Variants in RNF4 observed in about 807,000 individuals in gnomAD.
RNF4 encodes the protein E3 ubiquitin-protein ligase RNF4.
Under a neutral mutation model 24.3 loss-of-function variants are expected in RNF4, and 7 were observed. The observed-to-expected ratio is 0.29, with a 90% CI of 0.16 to 0.54. The LOEUF is 0.54. Among genes scored for constraint, RNF4 ranks in the 20% least tolerant of loss-of-function variants. RNF4 has a pLI of 0.95. For synonymous variants in RNF4, 83 were observed against 84.3 expected (o/e 0.98, Z 0.09); for missense variants, 209 against 248.5 (o/e 0.84, Z 1.07).
intron 2 of RNF4, chr4:2,490,850 C>T (rs1216117983): frequency 5.3e-6 from 1 of 189,156 alleles, no homozygotes; most frequent in Non-Finnish European, 1.1e-5. Context: ...TGTGTAATCT[C>T]AACACTTGGA....
chr4:2,484,699 A>ATTAATAATT (rs1735354853), intron 1 of RNF4, among the ~76,000 whole-genome samples: 1 of 152,090 alleles, frequency 6.6e-6, no homozygotes, highest in African/African-American at 2.4e-5. Context: ...AATTACTTAG[A>ATTAATAATT]CCTTAAATAA....
chr4:2,472,758 G>A (rs1367378836), intron 1 of RNF4, among the ~76,000 whole-genome samples: 2 of 152,118 alleles, frequency 1.3e-5, no homozygotes, highest in African/African-American at 4.8e-5. Context: ...AAGAATATTT[G>A]TCTCCAGGCA....
chr4:2,510,695 C>T (rs1736248169), intron 4 of RNF4, among the ~76,000 whole-genome samples: 1 of 152,216 alleles, frequency 6.6e-6, no homozygotes, highest in Non-Finnish European at 1.5e-5. Context: ...AGGGGACAGG[C>T]AGGGTGAGGT....
chr4:2,489,436 C>A (rs1578509060), intron 1 of RNF4, among the ~76,000 whole-genome samples: 1 of 152,158 alleles, frequency 6.6e-6, no homozygotes. Context: ...TTTGCAACTC[C>A]ATCTCGTTAT....
chr4:2,472,805 G>GC (rs1209275908), intron 1 of RNF4, among the ~76,000 whole-genome samples: 4 of 152,184 alleles, frequency 2.6e-5, no homozygotes, highest in Admixed American at 6.6e-5. Context: ...ACTTTGGGAG[G>GC]CGAAGTGGGC....
rs1301637061 is a variant in RNF4, at chr4:2,477,588, A to C, written c.-158+8330A>C. On this transcript the variant is annotated intron_variant, in intron 1 of 7. Coordinates refer to ENST00000314289, the MANE Select transcript of RNF4 (RefSeq NM_002938.5). ...CAACAGAGTAGACTTAATCTAAAAAAACAAAAGAGATCTGATGCTTTTATA... is the reference window on the plus strand; with the variant it reads ...CAACAGAGTAGACTTAATCTAAAAACACAAAAGAGATCTGATGCTTTTATA... Among the ~76,000 whole-genome samples, 3 of 151,980 alleles carry C rather than the reference A, an allele frequency of 2.0e-5. No homozygotes were observed. In the East Asian group the frequency reaches 5.8e-4, roughly 29 times the overall value.
At chr4:2,506,481 C>T (rs1736104386) in intron 4 of RNF4, among the ~76,000 whole-genome samples, 1 of 152,098 alleles carries the variant, frequency 6.6e-6, no homozygotes, top group African/African-American at 2.4e-5. Flanking sequence ...CATGTCCGGC[C>T]TCCTTGGTTG....
rs557153276 is a variant in RNF4, at chr4:2,476,682, C to T, written c.-158+7424C>T. ...CTGGGATTACAGGTGTGAGCCACCACGTCCAGCCCTTTTCTTTCTTTCTTT... is the reference window on the plus strand; with the variant it reads ...CTGGGATTACAGGTGTGAGCCACCATGTCCAGCCCTTTTCTTTCTTTCTTT... On this transcript the variant is annotated intron_variant, in intron 1 of 7. Transcript: ENST00000314289. Among the ~76,000 whole-genome samples, 24 of 151,010 alleles carry T rather than the reference C, an allele frequency of 1.6e-4. No homozygotes were observed. The South Asian group carries it at 1.9e-3, about 12-fold the overall frequency.
chr4:2,500,762 G>A lies in RNF4; in HGVS notation c.204+24G>A, dbSNP rs533240993. The A allele has an allele frequency of 5.0e-6, 8 of 1,611,114 alleles. No individual in the cohort carries two copies. The South Asian group carries it at 6.6e-5, about 13-fold the overall frequency. On this transcript the variant is annotated intron_variant, in intron 4 of 7. Coordinates refer to ENST00000314289, the MANE Select transcript of RNF4 (RefSeq NM_002938.5). ...TGGTAAGTGTTGGAGTGTGAGAGTC[G>A]GCTGTTTCTTGGGTATGGGTCCCTG...
At chr4:2,485,001 G>C (rs545962052) in intron 1 of RNF4, among the ~76,000 whole-genome samples, 20 of 152,196 alleles carry the variant, frequency 1.3e-4, no homozygotes, top group African/African-American at 4.6e-4. Context: ...GGAACCCTCG[G>C]CACCTTTGTT....
chr4:2,505,431 T>C (rs886741274), intron 4 of RNF4: 5 of 151,574 alleles, frequency 3.3e-5, no homozygotes, highest in African/African-American at 1.2e-4. Context: ...GTTCACACCA[T>C]TCTCCTGCCT....
chr4:2,488,247 G>C (rs1179658295), intron 1 of RNF4, among the ~76,000 whole-genome samples: 1 of 152,172 alleles, frequency 6.6e-6, no homozygotes, highest in Non-Finnish European at 1.5e-5. Context: ...TGGATCACCT[G>C]AGGTCAGAAG....
chr4:2,470,237 G>A (rs1578492155), intron 1 of RNF4, among the ~76,000 whole-genome samples: 1 of 152,232 alleles, frequency 6.6e-6, no homozygotes, highest in African/African-American at 2.4e-5. Context: ...AGGTCACATA[G>A]CCAGCTATTT....
At chr4:2,510,998 G>A (rs1736256409) in intron 4 of RNF4, among the ~76,000 whole-genome samples, 1 of 152,212 alleles carries the variant, frequency 6.6e-6, no homozygotes, top group Non-Finnish European at 1.5e-5. Context: ...TTCTCTGTTA[G>A]TTACTTGTAA....
intron 1 of RNF4, among the ~76,000 whole-genome samples, chr4:2,485,934 A>G (rs959371592): frequency 1.3e-5 from 2 of 152,192 alleles, no homozygotes; most frequent in Admixed American, 6.5e-5. Context: ...TTTGGAACAC[A>G]CTAAATTTGA....
At chr4:2,503,002 C>T (rs1735963345) in intron 4 of RNF4, among the ~76,000 whole-genome samples, 2 of 152,154 alleles carry the variant, frequency 1.3e-5, no homozygotes, top group African/African-American at 4.8e-5. Flanking sequence ...AGGTGCATGC[C>T]ACCATACACT....
chr4:2,477,600 C>G (rs1313807416), intron 1 of RNF4, among the ~76,000 whole-genome samples: 1 of 151,778 alleles, frequency 6.6e-6, no homozygotes, highest in Non-Finnish European at 1.5e-5. Flanking sequence ...CAAAAGAGAT[C>G]TGATGCTTTT....
intron 2 of RNF4, among the ~76,000 whole-genome samples, chr4:2,494,293 TCTG>T (rs1489165770): frequency 6.6e-6 from 1 of 152,100 alleles, no homozygotes; most frequent in Non-Finnish European, 1.5e-5. Flanking sequence ...ATGTGTTTAC[TCTG>T]CTGCTGTATC....
At chr4:2,487,114 C>G (rs2108758476) in intron 1 of RNF4, among the ~76,000 whole-genome samples, 1 of 152,206 alleles carries the variant, frequency 6.6e-6, no homozygotes, top group East Asian at 1.9e-4. Flanking sequence ...GAACACTTAC[C>G]AGGTGAGGTG....
Sources: gnomAD v4.1 joint callset for allele counts (sites outside exome capture counted in the v4.1 genomes callset) on GRCh38, gnomAD v4.1.1 for gene constraint, MANE v1.5 for transcripts, NCBI Gene and HGNC (gene_info 2026-07-23, HGNC 2026-07-21) for gene names.